Variants in SEZ6L observed in about 807,000 individuals in gnomAD.
SEZ6L encodes seizure related 6 homolog like.
Under a neutral mutation model 106.2 loss-of-function variants are expected in SEZ6L, and 37 were observed. That is an observed-to-expected ratio of 0.35 (90% CI 0.27 to 0.46). The LOEUF (loss-of-function observed/expected upper bound fraction) is 0.46, where lower values mean the gene tolerates loss of function less well. SEZ6L is among the 20% of genes least tolerant of loss of function. The pLI is 1.00. For synonymous variants in SEZ6L, 541 were observed against 570.4 expected (o/e 0.95, Z 0.73); for missense variants, 1,172 against 1,332.8 (o/e 0.88, Z 1.88).
chr22:26,228,474 C>A (rs929966199), intron 1 of SEZ6L, among the ~76,000 whole-genome samples: 33 of 152,260 alleles, frequency 2.2e-4, no homozygotes, highest in Non-Finnish European at 4.1e-4. Flanking sequence ...TTACTGGAAA[C>A]CATGTATACA....
intron 13 of SEZ6L, among the ~76,000 whole-genome samples, 182 bp from the exon 14 acceptor site, chr22:26,373,269 A>C (rs1251991072): frequency 6.6e-6 from 1 of 152,166 alleles, no homozygotes. Flanking sequence ...TTCTCTTGGT[A>C]ACTTAGGAAG....
intron 1 of SEZ6L, 107 bp from the exon 2 acceptor site, chr22:26,292,298 CG>C (rs2081152133): frequency 1.2e-6 from 1 of 802,316 alleles, no homozygotes; most frequent in Non-Finnish European, 2.0e-6. Flanking sequence ...AGAGGCCAGC[CG>C]GACGAGCTTT....
chr22:26,347,923 G>A lies in SEZ6L; in HGVS notation c.2407+10G>A, dbSNP rs1472339682. On this transcript the variant is annotated intron_variant, in intron 11 of 16. Coordinates refer to ENST00000248933, the MANE Select transcript of SEZ6L (RefSeq NM_021115.5). ...CCATTTTGTGAGAAAAGTAAGAGTGGTCTTGTTTCCTTCCTCTAGGTCCCT... is the reference window on the plus strand; with the variant it reads ...CCATTTTGTGAGAAAAGTAAGAGTGATCTTGTTTCCTTCCTCTAGGTCCCT... The A allele has an allele frequency of 3.9e-6, 6 of 1,551,898 alleles. No individual in the cohort carries two copies. Among genetic ancestry groups the A allele is most frequent in the Non-Finnish European group, 4.3e-6 (5 of 1,155,850 alleles).
At chr22:26,192,202 C>G (rs945750420) in intron 1 of SEZ6L, among the ~76,000 whole-genome samples, 2 of 152,158 alleles carry the variant, frequency 1.3e-5, no homozygotes, top group Admixed American at 6.6e-5. Flanking sequence ...GTTGATGAAT[C>G]CATTCCTTCA....
chr22:26,302,416 T>C (rs1480975194), intron 5 of SEZ6L, among the ~76,000 whole-genome samples: 11 of 152,194 alleles, frequency 7.2e-5, no homozygotes. Flanking sequence ...CCTTTTAGAA[T>C]TCTCAAAAGT....
At chr22:26,236,529 G>A (rs2078963069) in intron 1 of SEZ6L, among the ~76,000 whole-genome samples, 1 of 152,164 alleles carries the variant, frequency 6.6e-6, no homozygotes. Flanking sequence ...TTCCGAGCCT[G>A]TGGACTTGAT....
intron 1 of SEZ6L, among the ~76,000 whole-genome samples, chr22:26,215,483 C>T (rs944041452): frequency 6.6e-6 from 1 of 151,958 alleles, no homozygotes; most frequent in Non-Finnish European, 1.5e-5. Context: ...AATGGCAAAC[C>T]AAAATGGGAG....
At chr22:26,248,346 A>G (rs941333039) in intron 1 of SEZ6L, among the ~76,000 whole-genome samples, 6 of 152,122 alleles carry the variant, frequency 3.9e-5, no homozygotes, top group African/African-American at 1.4e-4. Context: ...AGAGGGAACT[A>G]CTATTGGTAT....
intron 4 of SEZ6L, 31 bp downstream of exon 4, chr22:26,297,111 G>T: frequency 6.6e-7 from 1 of 1,520,284 alleles, no homozygotes; most frequent in South Asian, 1.3e-5. Flanking sequence ...ATGAAACATA[G>T]GCGTTTGCCT....
At chr22:26,318,666 T>A (rs1046195441) in intron 9 of SEZ6L, among the ~76,000 whole-genome samples, 6 of 152,334 alleles carry the variant, frequency 3.9e-5, no homozygotes, top group Middle Eastern at 3.4e-3. Context: ...TTTAATTATA[T>A]CCTCTTGCTT....
At chr22:26,212,572 G>A (rs925763485) in intron 1 of SEZ6L, among the ~76,000 whole-genome samples, 17 of 152,038 alleles carry the variant, frequency 1.1e-4, no homozygotes, top group Admixed American at 2.0e-4. Flanking sequence ...ACAGGCATGC[G>A]CCACCATGCC....
At chr22:26,230,542 T>A (rs1020384856) in intron 1 of SEZ6L, among the ~76,000 whole-genome samples, 1 of 152,210 alleles carries the variant, frequency 6.6e-6, no homozygotes. Flanking sequence ...TCTAATGGAA[T>A]GAATCAGATA....
intron 5 of SEZ6L, 90 bp from the exon 6 acceptor site, chr22:26,305,887 CTT>C: frequency 8.0e-7 from 1 of 1,253,048 alleles, no homozygotes; most frequent in Non-Finnish European, 1.1e-6. Flanking sequence ...CACTCACTTC[CTT>C]CTCTCTCTCT....
chr22:26,344,110 T>A lies in SEZ6L; in HGVS notation c.2212+3478T>A, dbSNP rs182975538. Among the ~76,000 whole-genome samples, 415 of 152,288 alleles carry A rather than the reference T, an allele frequency of 2.7e-3. 1 individual carries two copies. The highest frequency in any genetic ancestry group is 7.3e-3 in the African/African-American group (304 of 41,576). The stretch of plus-strand genomic sequence containing the variant: ...AGGGGTTCCTGTGGTCACTAGGGAA[T>A]TCTGAAGATCCTATATTGACCTAAA... On this transcript the variant is annotated intron_variant, in intron 10 of 16. Coordinates refer to ENST00000248933, the MANE Select transcript of SEZ6L (RefSeq NM_021115.5).
rs1465330886 is a variant in SEZ6L at position 26,382,042 on chromosome 22, T to G, written c.*1747T>G. 1.9e-6 allele frequency: 1 copy of G among 518,794 alleles called. No individual in the cohort carries two copies. Among genetic ancestry groups the G allele is most frequent in the Admixed American group, 1.9e-5 (1 of 51,582 alleles). The allele number at this position is 518,794 out of a possible 1,614,324, so 32.1% of individuals were successfully genotyped here. A position where few individuals can be genotyped will look rare whatever the true frequency, so the allele number is the denominator to read the frequency against. Reference sequence around the variant, plus strand: ...CTCCTTGACAGCAGGAACTCAGACTTCAATCTTGGGGGTCTAAGACCAGAA... The same window carrying G: ...CTCCTTGACAGCAGGAACTCAGACTGCAATCTTGGGGGTCTAAGACCAGAA... On this transcript the variant is annotated 3_prime_UTR_variant, in exon 17 of 17. Transcript: ENST00000248933.
At chr22:26,374,560 G>A (rs765488539) in intron 14 of SEZ6L, among the ~76,000 whole-genome samples, 2 of 152,146 alleles carry the variant, frequency 1.3e-5, no homozygotes, top group African/African-American at 4.8e-5. Flanking sequence ...CCATGAGAAC[G>A]TCTCAAAGGG....
chr22:26,327,405 C>T (rs1308609730), intron 9 of SEZ6L, among the ~76,000 whole-genome samples: 1 of 134,942 alleles, frequency 7.4e-6, no homozygotes, highest in Non-Finnish European at 1.6e-5. Context: ...ACACCACATA[C>T]ACACCACACA....
intron 9 of SEZ6L, among the ~76,000 whole-genome samples, chr22:26,323,175 A>G (rs184898115): frequency 6.6e-6 from 1 of 152,322 alleles, no homozygotes; most frequent in Admixed American, 6.5e-5. Flanking sequence ...AAGCGCCTAG[A>G]GTCAAAAAGA....
rs926037606 is a variant in SEZ6L, at chr22:26,337,700, A to AG, written c.2016-2730dup. On this transcript the variant is annotated intron_variant, in intron 9 of 16. Transcript: ENST00000248933. ...GGCTTCAATCTGGTTAAAAACTGTC[A>AG]GGGGGGTAGGAGGAGTCTGGGGATT... is the stretch of plus-strand genomic sequence containing the variant. 2.6e-5 allele frequency among the ~76,000 whole-genome samples: 4 copies of AG among 152,202 alleles called. No homozygotes were observed. The South Asian group carries it at 6.2e-4, about 24-fold the overall frequency.
Sources: allele counts gnomAD v4.1 joint callset (sites outside exome capture counted in the v4.1 genomes callset), GRCh38; gene constraint gnomAD v4.1.1; transcripts MANE v1.5; gene names NCBI Gene and HGNC (gene_info 2026-07-23, HGNC 2026-07-21).